PPP1R12A: variants seen among roughly 807,000 people sequenced by gnomAD.
PPP1R12A encodes the protein myosin binding subunit.
In PPP1R12A, 19 loss-of-function variants were observed where a neutral mutation model predicts 139.6. That is an observed-to-expected ratio of 0.14 (90% CI 0.09 to 0.20). The LOEUF (loss-of-function observed/expected upper bound fraction) is 0.20, where lower values mean the gene tolerates loss of function less well. Among genes scored for constraint, PPP1R12A ranks in the 10% least tolerant of loss-of-function variants. The pLI, the probability that PPP1R12A is intolerant of heterozygous loss-of-function variation, is 1.00. For synonymous variants in PPP1R12A, 427 were observed against 420.6 expected, an observed-to-expected ratio of 1.02 and a Z score of -0.19; for missense variants, 925 against 1,211.5, an observed-to-expected ratio of 0.76 and a Z score of 3.51.
chr12:79,858,855 C>A (rs1466775859), intron 2 of PPP1R12A, among the ~76,000 whole-genome samples: 1 of 152,130 alleles, frequency 6.6e-6, no homozygotes, highest in African/African-American at 2.4e-5. Flanking sequence ...CCAAAGCATA[C>A]CTCTGTAGGC....
At chr12:79,778,148 C>T (rs1478828422) in intron 24 of PPP1R12A, among the ~76,000 whole-genome samples, 1 of 152,032 alleles carries the variant, frequency 6.6e-6, no homozygotes, top group African/African-American at 2.4e-5. Context: ...CAAAGGAGAA[C>T]ATTTTATAGT....
chr12:79,797,469 T>C (rs953601783), intron 15 of PPP1R12A, 74 bp from the exon 16 acceptor site: 26 of 1,345,562 alleles, frequency 1.9e-5, no homozygotes, highest in Non-Finnish European at 2.5e-5. Flanking sequence ...TAGAAATAGA[T>C]ATATTACATA....
At chr12:79,893,014 GA>G (rs1463096640) in intron 1 of PPP1R12A, among the ~76,000 whole-genome samples, 1 of 151,336 alleles carries the variant, frequency 6.6e-6, no homozygotes, top group African/African-American at 2.4e-5. Flanking sequence ...TGAGGCAGGA[GA>G]ACTGCTTGAA....
chr12:79,803,920 A>G (rs1435336280), intron 14 of PPP1R12A, among the ~76,000 whole-genome samples: 1 of 152,192 alleles, frequency 6.6e-6, no homozygotes, highest in Non-Finnish European at 1.5e-5. Flanking sequence ...TCTGTGGGTT[A>G]AGAATCATAA....
chr12:79,880,281 A>G (rs1283251648), intron 1 of PPP1R12A, among the ~76,000 whole-genome samples: 1 of 152,192 alleles, frequency 6.6e-6, no homozygotes, highest in African/African-American at 2.4e-5. Context: ...ACGGGTCCCT[A>G]CATATTTGAG....
chr12:79,934,703 G>C lies in PPP1R12A; in HGVS notation c.229C>G (p.Leu77Val). The C allele has an allele frequency of 4.5e-6, 7 of 1,541,638 alleles. No homozygotes were observed. Among genetic ancestry groups the C allele is most frequent in the Non-Finnish European group, 6.1e-6 (7 of 1,141,646 alleles). Residue 77 changes from leucine to valine, a missense_variant, in exon 1 of 25, where the codon CTG becomes GTG. This residue lies in a region of PPP1R12A where 199 missense variants were observed against 352.4 expected (regional missense o/e 0.56). Transcript: ENST00000450142. Reference sequence around the variant, plus strand: ...CGGCGGGGCGCACAGACCTGGTGCAGGGCAGTGAGTCCGTCCACATTGGCG... The same window carrying C: ...CGGCGGGGCGCACAGACCTGGTGCACGGCAGTGAGTCCGTCCACATTGGCG... ...NYANVDGLTA[L>V]HQACIDDNVD...
intron 1 of PPP1R12A, among the ~76,000 whole-genome samples, chr12:79,888,229 T>A (rs1884281438): frequency 6.6e-6 from 1 of 152,102 alleles, no homozygotes; most frequent in African/African-American, 2.4e-5. Context: ...TGATAAATGC[T>A]ATGGATTTAA....
intron 2 of PPP1R12A, among the ~76,000 whole-genome samples, chr12:79,867,870 G>A (rs1216990808): frequency 1.3e-5 from 2 of 152,128 alleles, no homozygotes; most frequent in East Asian, 1.9e-4. Flanking sequence ...CTGCCGCCAT[G>A]TGAAGAAGAA....
chr12:79,872,976 G>A (rs764965222), intron 1 of PPP1R12A, 38 bp from the exon 2 acceptor site: 51 of 1,581,948 alleles, frequency 3.2e-5, no homozygotes, highest in Non-Finnish European at 4.0e-5. Flanking sequence ...GAAAAAATAC[G>A]AATTAACACT....
chr12:79,853,603 T>G (rs1233361959), intron 2 of PPP1R12A, among the ~76,000 whole-genome samples: 1 of 152,206 alleles, frequency 6.6e-6, no homozygotes, highest in Non-Finnish European at 1.5e-5. Flanking sequence ...GGGGAAGTAT[T>G]TACATTTTCT....
At chr12:79,928,836 T>C (rs1206753577) in intron 1 of PPP1R12A, among the ~76,000 whole-genome samples, 2 of 152,228 alleles carry the variant, frequency 1.3e-5, no homozygotes, top group Admixed American at 6.5e-5. Flanking sequence ...TTTACAAAGA[T>C]GCTTAAAATG....
chr12:79,786,577 A>G (rs1467007775), intron 21 of PPP1R12A, 99 bp from the exon 22 acceptor site: 19 of 703,624 alleles, frequency 2.7e-5, no homozygotes, highest in Non-Finnish European at 4.1e-5. Context: ...AGCTTAATGT[A>G]GCATATGAGC....
At chr12:79,847,493 T>A (rs7978089) in intron 2 of PPP1R12A, among the ~76,000 whole-genome samples, 15,627 of 152,198 alleles carry the variant, frequency 0.1, 2,165 homozygotes, top group African/African-American at 0.32. Flanking sequence ...GTATTTCTCC[T>A]TTTATGAACT....
At chr12:79,806,477 T>G in intron 12 of PPP1R12A, 144 bp from the exon 13 acceptor site, 1 of 695,722 alleles carries the variant, frequency 1.4e-6, no homozygotes. Flanking sequence ...GCACCAAGAG[T>G]TGCATCTACA....
intron 9 of PPP1R12A, among the ~76,000 whole-genome samples, chr12:79,815,372 A>G (rs1875219427): frequency 1.3e-5 from 2 of 152,014 alleles, no homozygotes; most frequent in Admixed American, 6.6e-5. Context: ...TAAAAATATA[A>G]TTAGTCAGGT....
chr12:79,780,255 G>A (rs1870269062), intron 23 of PPP1R12A: 1 of 151,638 alleles, frequency 6.6e-6, no homozygotes. Flanking sequence ...AAAAAAATAT[G>A]GTTTAGAGAA....
intron 22 of PPP1R12A, among the ~76,000 whole-genome samples, chr12:79,784,881 C>T (rs1386996733): frequency 2.6e-5 from 4 of 152,092 alleles, no homozygotes; most frequent in South Asian, 2.1e-4. Context: ...TCAGGTGATC[C>T]GCCCACCTTG....
In PPP1R12A at chr12:79,796,900, G is replaced by T. The variant is rs778997256; in HGVS notation, c.2343C>A (p.Ser781=). 6.2e-7 allele frequency: 1 copy of T among 1,612,614 alleles called. No homozygotes were observed. Among genetic ancestry groups the T allele is most frequent in the Non-Finnish European group, 8.5e-7 (1 of 1,179,076 alleles). Residue 781 remains serine (S), a synonymous_variant, in exon 17 of 25, where the codon TCC becomes TCA. Transcript: ENST00000450142. ...PVSTSSSTTP[S]SSLSTMSSSL... ...AACTGCTCATAGTAGAAAGTGAAGA[G>T]GATGGAGTGGTTGAACTTGAAGTTG...
intron 3 of PPP1R12A, among the ~76,000 whole-genome samples, chr12:79,832,942 A>G (rs909320006): frequency 1.1e-4 from 16 of 152,306 alleles, no homozygotes; most frequent in Admixed American, 9.2e-4. Context: ...TCTAAAATAT[A>G]TCATACCTTA....
Sources: gnomAD v4.1 joint callset for allele counts (sites outside exome capture counted in the v4.1 genomes callset) on GRCh38, gnomAD v4.1.1 for gene constraint, gnomAD v4.1.1 regional missense constraint, MANE v1.5 for transcripts, NCBI Gene and HGNC (gene_info 2026-07-23, HGNC 2026-07-21) for gene names.